PTPRD: variants seen among roughly 807,000 people sequenced by gnomAD.
PTPRD encodes the protein protein tyrosine phosphatase receptor type D.
PTPRD carries 34 observed loss-of-function variants against 214.5 expected under a neutral mutation model. The observed-to-expected ratio is 0.16, with a 90% CI of 0.12 to 0.21. The LOEUF is 0.21. Among genes scored for constraint, PTPRD ranks in the 10% least tolerant of loss-of-function variants. The pLI is 1.00. For missense variants in PTPRD, 2,545 were observed against 2,398.7 expected, an observed-to-expected ratio of 1.06 and a Z score of -1.27; for synonymous variants, 1,128 against 845.7, an observed-to-expected ratio of 1.33 and a Z score of -5.79.
chr9:9,948,676 A>C (rs2093093903), intron 4 of PTPRD, among the ~76,000 whole-genome samples: 1 of 152,072 alleles, frequency 6.6e-6, no homozygotes, highest in African/African-American at 2.4e-5. Flanking sequence ...AATTGTAAGA[A>C]GTGTATTCAC....
chr9:10,276,997 T>A (rs906592650), intron 3 of PTPRD, among the ~76,000 whole-genome samples: 1 of 152,274 alleles, frequency 6.6e-6, no homozygotes, highest in East Asian at 1.9e-4. Flanking sequence ...CCTCATGGCA[T>A]GTCCAAAGGC....
intron 9 of PTPRD, among the ~76,000 whole-genome samples, chr9:9,205,360 G>A (rs773701281): frequency 5.9e-5 from 9 of 152,012 alleles, no homozygotes; most frequent in Non-Finnish European, 1.2e-4. Flanking sequence ...ACTACACATT[G>A]GCTTCCACTT....
chr9:9,786,043 T>A (rs571923834), intron 5 of PTPRD, among the ~76,000 whole-genome samples: 2 of 152,342 alleles, frequency 1.3e-5, no homozygotes, highest in African/African-American at 4.8e-5. Flanking sequence ...GATGAGAATA[T>A]ATTACTTCTC....
At chr9:9,985,267 T>C (rs1469370918) in intron 4 of PTPRD, among the ~76,000 whole-genome samples, 2 of 152,198 alleles carry the variant, frequency 1.3e-5, no homozygotes, top group African/African-American at 2.4e-5. Context: ...GTACCAGAGA[T>C]AGAAAAGTTT....
At chr9:9,115,876 A>C (rs1328128727) in intron 10 of PTPRD, among the ~76,000 whole-genome samples, 3 of 152,210 alleles carry the variant, frequency 2.0e-5, no homozygotes, top group African/African-American at 7.2e-5. Flanking sequence ...CCCATCATGG[A>C]ATACTACACA....
intron 3 of PTPRD, among the ~76,000 whole-genome samples, chr9:10,262,154 G>A (rs576034227): frequency 4.6e-4 from 69 of 151,256 alleles, no homozygotes; most frequent in African/African-American, 1.6e-3. Context: ...AAAAATCAGT[G>A]GTCTAAAAAG....
At chr9:8,468,825 T>C (rs1212852611) in intron 31 of PTPRD, among the ~76,000 whole-genome samples, 1 of 148,962 alleles carries the variant, frequency 6.7e-6, no homozygotes, top group African/African-American at 2.5e-5. Flanking sequence ...AAACTCTCTG[T>C]AGGGATCAAA....
chr9:10,382,424 G>C (rs1586787623), intron 2 of PTPRD, among the ~76,000 whole-genome samples: 2 of 151,772 alleles, frequency 1.3e-5, no homozygotes, highest in East Asian at 3.9e-4. Context: ...CTGGATTCTA[G>C]AACTGACTTG....
intron 9 of PTPRD, among the ~76,000 whole-genome samples, chr9:9,283,599 A>C (rs1948469751): frequency 6.6e-6 from 1 of 151,572 alleles, no homozygotes; most frequent in Non-Finnish European, 1.5e-5. Context: ...GCTTAGTATA[A>C]GTCTGCAGCT....
intron 34 of PTPRD, among the ~76,000 whole-genome samples, chr9:8,443,000 C>T (rs1253736633): frequency 6.6e-6 from 1 of 152,126 alleles, no homozygotes; most frequent in African/African-American, 2.4e-5. Flanking sequence ...TTTAAATGAA[C>T]CGGGCATTGT....
At chr9:9,573,156 T>C (rs927533730) in intron 8 of PTPRD, among the ~76,000 whole-genome samples, 5 of 151,728 alleles carry the variant, frequency 3.3e-5, no homozygotes. Flanking sequence ...AGTTGAATAC[T>C]ACACAGCAAT....
At chr9:8,618,346 C>A (rs578009074) in intron 14 of PTPRD, among the ~76,000 whole-genome samples, 7 of 152,150 alleles carry the variant, frequency 4.6e-5, no homozygotes, top group African/African-American at 7.2e-5. Context: ...GGGCTTGGTA[C>A]CTTTCAATTA....
At chr9:10,504,078 TGC>T (rs2044946227) in intron 2 of PTPRD, among the ~76,000 whole-genome samples, 1 of 113,410 alleles carries the variant, frequency 8.8e-6, no homozygotes, top group African/African-American at 3.4e-5. Context: ...ATCGCGCCAC[TGC>T]ACTCCAGCAT....
At chr9:10,327,934 C>T (rs1178911741) in intron 3 of PTPRD, among the ~76,000 whole-genome samples, 2 of 151,660 alleles carry the variant, frequency 1.3e-5, no homozygotes, top group Non-Finnish European at 2.9e-5. Context: ...CTGTACATTG[C>T]AGTAACAATT....
chr9:10,123,450 T>TTGA (rs1274975975), intron 3 of PTPRD, among the ~76,000 whole-genome samples: 1 of 152,242 alleles, frequency 6.6e-6, no homozygotes, highest in Non-Finnish European at 1.5e-5. Flanking sequence ...GCCTTTCCTT[T>TTGA]TGATACAGGA....
At chr9:9,675,939 T>C (rs1047083239) in intron 7 of PTPRD, among the ~76,000 whole-genome samples, 1 of 152,048 alleles carries the variant, frequency 6.6e-6, no homozygotes, top group South Asian at 2.1e-4. Context: ...TAACCAACTA[T>C]ACCCAACAAT....
chr9:10,142,151 G>A (rs1419867297), intron 3 of PTPRD, among the ~76,000 whole-genome samples: 1 of 152,062 alleles, frequency 6.6e-6, no homozygotes, highest in Non-Finnish European at 1.5e-5. Flanking sequence ...TTGAATGTTA[G>A]ACCTAAAACC....
chr9:8,709,113 G>A (rs2098272071), intron 12 of PTPRD, among the ~76,000 whole-genome samples: 1 of 152,054 alleles, frequency 6.6e-6, no homozygotes, highest in Non-Finnish European at 1.5e-5. Context: ...GGGAGGGGTT[G>A]GGGAGATGTT....
intron 10 of PTPRD, among the ~76,000 whole-genome samples, chr9:9,153,124 C>T (rs914943435): frequency 6.6e-6 from 1 of 152,166 alleles, no homozygotes; most frequent in African/African-American, 2.4e-5. Flanking sequence ...CCTGTGCGTT[C>T]ACGAAATGTG....
Sources: allele counts gnomAD v4.1 joint callset (sites outside exome capture counted in the v4.1 genomes callset), GRCh38; gene constraint gnomAD v4.1.1; transcripts MANE v1.5; gene names NCBI Gene and HGNC (gene_info 2026-07-23, HGNC 2026-07-21).